TMEM117: variants seen among roughly 807,000 people sequenced by gnomAD.
The protein encoded by TMEM117 is transmembrane protein 117.
A neutral mutation model predicts 52.4 loss-of-function variants in TMEM117; 27 were observed. That is an observed-to-expected ratio of 0.51 (90% CI 0.38 to 0.71). The LOEUF (loss-of-function observed/expected upper bound fraction) is 0.71, where lower values mean the gene tolerates loss of function less well. Among genes scored for constraint, TMEM117 ranks in the 30% least tolerant of loss-of-function variants. The pLI, the probability that TMEM117 is intolerant of heterozygous loss-of-function variation, is 0.00. For missense variants in TMEM117, 556 were observed against 630.5 expected (o/e 0.88, Z 1.26); for synonymous variants, 215 against 206.3 (o/e 1.04, Z -0.36).
At chr12:44,173,316 A>G (rs766757390) in intron 4 of TMEM117, among the ~76,000 whole-genome samples, 15 of 152,186 alleles carry the variant, frequency 9.9e-5, no homozygotes, top group Non-Finnish European at 2.1e-4. Context: ...AGCTCAGGCA[A>G]TCCATCCACC....
chr12:44,139,449 A>G (rs1219964195), intron 3 of TMEM117, among the ~76,000 whole-genome samples: 2 of 151,496 alleles, frequency 1.3e-5, no homozygotes, highest in African/African-American at 4.9e-5. Flanking sequence ...TCAAGATGTT[A>G]TGATAATTAG....
intron 6 of TMEM117, among the ~76,000 whole-genome samples, chr12:44,308,021 C>T (rs1950925068): frequency 6.6e-6 from 1 of 152,110 alleles, no homozygotes; most frequent in African/African-American, 2.4e-5. Context: ...GAGGGATTAT[C>T]GTGAGCGGGA....
At chr12:44,216,551 A>G (rs1434920343) in intron 5 of TMEM117, among the ~76,000 whole-genome samples, 1 of 152,190 alleles carries the variant, frequency 6.6e-6, no homozygotes, top group Non-Finnish European at 1.5e-5. Context: ...GGAAAGCTGA[A>G]ATTTGTGTAT....
At chr12:44,324,548 A>G (rs923654139) in intron 6 of TMEM117, among the ~76,000 whole-genome samples, 1 of 152,110 alleles carries the variant, frequency 6.6e-6, no homozygotes, top group Non-Finnish European at 1.5e-5. Context: ...TAACAAAAAC[A>G]TTACAGGTTC....
chr12:43,875,818 A>G (rs564423193), intron 2 of TMEM117, among the ~76,000 whole-genome samples: 4 of 152,268 alleles, frequency 2.6e-5, no homozygotes, highest in East Asian at 3.9e-4. Flanking sequence ...CCTTGCACTC[A>G]TGTCCTACTC....
At chr12:43,845,814 T>G (rs1338998953) in intron 2 of TMEM117, among the ~76,000 whole-genome samples, 1 of 152,170 alleles carries the variant, frequency 6.6e-6, no homozygotes, top group Admixed American at 6.5e-5. Flanking sequence ...TTCCTTGTGA[T>G]AGTTTGCTCA....
intron 4 of TMEM117, among the ~76,000 whole-genome samples, chr12:44,161,720 AC>A (rs1172844557): frequency 1.3e-5 from 2 of 152,170 alleles, no homozygotes; most frequent in Non-Finnish European, 2.9e-5. Context: ...TGTTATTATT[AC>A]CATATGATAA....
the TMEM117 span, among the ~76,000 whole-genome samples, chr12:43,830,620 A>G: frequency 6.6e-6 from 1 of 151,920 alleles, no homozygotes; most frequent in African/African-American, 2.4e-5. Flanking sequence ...CAAAAAAAAA[A>G]AAAAAAAAGA....
chr12:44,115,980 A>G (rs1048620627), intron 3 of TMEM117, among the ~76,000 whole-genome samples: 21 of 152,200 alleles, frequency 1.4e-4, no homozygotes, highest in African/African-American at 5.1e-4. Flanking sequence ...CAAGCTTCAC[A>G]TTAAAATAAA....
chr12:44,242,227 T>C (rs1169053827), intron 5 of TMEM117, among the ~76,000 whole-genome samples: 4 of 151,830 alleles, frequency 2.6e-5, no homozygotes, highest in African/African-American at 9.7e-5. Flanking sequence ...ACAGATTTTT[T>C]CATCACCCAG....
At position 44,040,940 on chromosome 12, in the gene TMEM117, A is replaced by G. The variant is rs556102916; in HGVS notation, c.410+96598A>G. 5.9e-5 allele frequency among the ~76,000 whole-genome samples: 9 copies of G among 152,338 alleles called. No homozygotes were observed. The East Asian group carries it at 1.7e-3, about 29-fold the overall frequency. On this transcript the variant is annotated intron_variant, in intron 3 of 7. Coordinates refer to ENST00000266534, the MANE Select transcript of TMEM117 (RefSeq NM_032256.3). ...AATAGTTTGTGGCTTGCTTAATAAC[A>G]TAGTGTCAAAATGCAAAAAGCAATG...
At chr12:43,948,472 A>G (rs1406471054) in intron 3 of TMEM117, among the ~76,000 whole-genome samples, 1 of 151,744 alleles carries the variant, frequency 6.6e-6, no homozygotes, top group Non-Finnish European at 1.5e-5. Flanking sequence ...CACCCGGCTA[A>G]TTTTTTGTAT....
rs544824298 is a variant in TMEM117, at chr12:44,007,290, C to G, written c.410+62948C>G. Among the ~76,000 whole-genome samples the G allele has an allele frequency of 8.5e-5, 13 of 152,200 alleles. No homozygotes were observed. In the South Asian group the frequency reaches 2.3e-3, roughly 27 times the overall value. On this transcript the variant is annotated intron_variant, in intron 3 of 7. Coordinates refer to ENST00000266534, the MANE Select transcript of TMEM117 (RefSeq NM_032256.3). Reference sequence around the variant, plus strand: ...TATGTTCATTTATTTCTTGATGATGCTCCTTTTTTCTTTATGAAGATCAGA... The same window carrying G: ...TATGTTCATTTATTTCTTGATGATGGTCCTTTTTTCTTTATGAAGATCAGA...
At chr12:44,163,169 CATTTTAACAGGT>C (rs1441786104) in intron 4 of TMEM117, among the ~76,000 whole-genome samples, 1 of 152,154 alleles carries the variant, frequency 6.6e-6, no homozygotes, top group Non-Finnish European at 1.5e-5. Context: ...ATAAGATTAG[CATTTTAACAGGT>C]ATTTCTAGGC....
intron 3 of TMEM117, among the ~76,000 whole-genome samples, chr12:44,132,386 C>T (rs1948428829): frequency 6.6e-6 from 1 of 152,000 alleles, no homozygotes; most frequent in African/African-American, 2.4e-5. Context: ...GGGTGAAAGT[C>T]ATTTCCAGGT....
At chr12:43,824,405 G>A in the TMEM117 span, among the ~76,000 whole-genome samples, 1 of 152,222 alleles carries the variant, frequency 6.6e-6, no homozygotes. Flanking sequence ...CACTTGGCCT[G>A]AGGTGAGTGC....
intron 3 of TMEM117, among the ~76,000 whole-genome samples, chr12:44,117,793 G>A (rs151272659): frequency 6.8e-4 from 103 of 151,794 alleles, no homozygotes; most frequent in African/African-American, 2.2e-3. Context: ...GATATATGTC[G>A]GAATGATATT....
chr12:44,303,981 C>T (rs571246279), intron 6 of TMEM117, among the ~76,000 whole-genome samples: 2 of 152,204 alleles, frequency 1.3e-5, no homozygotes, highest in East Asian at 1.9e-4. Flanking sequence ...GTGATCGTCC[C>T]CCTATAGGAG....
chr12:44,024,627 A>G (rs1946504110), intron 3 of TMEM117, among the ~76,000 whole-genome samples: 1 of 146,704 alleles, frequency 6.8e-6, no homozygotes, highest in Admixed American at 6.8e-5. Context: ...AGAAGGCAGG[A>G]AGGGAGGGAG....
Sources: gnomAD v4.1 joint callset for allele counts (sites outside exome capture counted in the v4.1 genomes callset) on GRCh38, gnomAD v4.1.1 for gene constraint, MANE v1.5 for transcripts, NCBI Gene and HGNC (gene_info 2026-07-23, HGNC 2026-07-21) for gene names.